The following OSBPL1A variants were observed in gnomAD, a reference collection of about 807,000 sequenced individuals.
OSBPL1A encodes oxysterol binding protein like 1A.
OSBPL1A carries 80 observed loss-of-function variants against 137.1 expected under a neutral mutation model. That is an observed-to-expected ratio of 0.58 (90% confidence interval 0.49 to 0.70). The LOEUF is 0.70. Ranked by LOEUF, OSBPL1A falls within the 30% of genes least tolerant of loss-of-function variation. The pLI is 0.00. For synonymous variants in OSBPL1A, 365 were observed against 389.7 expected (o/e 0.94, Z 0.75); for missense variants, 970 against 1,129.4 (o/e 0.86, Z 2.02).
At chr18:24,279,068 C>A (rs1355987381) in intron 15 of OSBPL1A, among the ~76,000 whole-genome samples, 1 of 151,864 alleles carries the variant, frequency 6.6e-6, no homozygotes, top group Non-Finnish European at 1.5e-5. Context: ...GTCTTATTCT[C>A]CAAATAAATT....
At chr18:24,229,085 CA>C (rs1434849763) in intron 16 of OSBPL1A, among the ~76,000 whole-genome samples, 1 of 152,122 alleles carries the variant, frequency 6.6e-6, no homozygotes, top group Non-Finnish European at 1.5e-5. Context: ...CCTGCAATCC[CA>C]GTTACTCGGA....
intron 16 of OSBPL1A, among the ~76,000 whole-genome samples, chr18:24,234,542 G>T (rs1248745589): frequency 1.3e-5 from 2 of 152,218 alleles, no homozygotes; most frequent in African/African-American, 4.8e-5. Flanking sequence ...ACGCCAGGGG[G>T]CTGGAAAAAT....
At chr18:24,294,125 G>A (rs1035292432) in intron 14 of OSBPL1A, among the ~76,000 whole-genome samples, 2 of 151,942 alleles carry the variant, frequency 1.3e-5, no homozygotes, top group African/African-American at 4.8e-5. Context: ...GGAATAGGTG[G>A]TGTTTGGTTA....
intron 4 of OSBPL1A, among the ~76,000 whole-genome samples, chr18:24,353,491 A>C (rs1448894780): frequency 1.3e-5 from 2 of 152,096 alleles, no homozygotes; most frequent in African/African-American, 4.8e-5. Flanking sequence ...TAGTTCAACC[A>C]TTGTGGAAAT....
chr18:24,343,127 C>T (rs1053243185), intron 4 of OSBPL1A, among the ~76,000 whole-genome samples: 7 of 151,926 alleles, frequency 4.6e-5, no homozygotes, highest in African/African-American at 1.7e-4. Context: ...AGAACATTTA[C>T]ACCTCAATAA....
At chr18:24,216,214 A>C (rs2087690983) in intron 17 of OSBPL1A, among the ~76,000 whole-genome samples, 2 of 152,218 alleles carry the variant, frequency 1.3e-5, no homozygotes, top group African/African-American at 4.8e-5. Context: ...TCTCAATAAA[A>C]TGAAAAACTG....
intron 11 of OSBPL1A, among the ~76,000 whole-genome samples, 151 bp downstream of exon 11, chr18:24,316,993 GACTTT>G (rs1361123383): frequency 2.0e-5 from 3 of 152,036 alleles, no homozygotes; most frequent in African/African-American, 7.2e-5. Context: ...GAGATGCCAC[GACTTT>G]ACTTGTTATC....
At chr18:24,387,001 ATATC>A (rs759182648) in intron 1 of OSBPL1A, among the ~76,000 whole-genome samples, 8 of 152,110 alleles carry the variant, frequency 5.3e-5, no homozygotes, top group South Asian at 2.1e-4. Context: ...TTTCAAATAG[ATATC>A]TATTTGAAAT....
chr18:24,317,530 AT>A (rs200623028), intron 9 of OSBPL1A, 130 bp from the exon 10 acceptor site: 10 of 641,566 alleles, frequency 1.6e-5, no homozygotes, highest in Non-Finnish European at 2.2e-5. Context: ...GTAAAAAAAA[AT>A]GATCAAACAT....
At chr18:24,281,073 A>G (rs985245924) in intron 14 of OSBPL1A, 125 bp from the exon 15 acceptor site, 1 of 553,086 alleles carries the variant, frequency 1.8e-6, no homozygotes, top group Non-Finnish European at 3.0e-6. Flanking sequence ...AGCAAAACAT[A>G]TCATGTTTCT....
chr18:24,280,453 A>C (rs2730027), intron 15 of OSBPL1A, among the ~76,000 whole-genome samples: 53,198 of 152,108 alleles, frequency 0.35, 10,091 homozygotes, highest in Middle Eastern at 0.47. Flanking sequence ...AACACAAAAA[A>C]TATTTAATCC....
chr18:24,314,510 G>T (rs975666568), intron 11 of OSBPL1A, among the ~76,000 whole-genome samples, 163 bp from the exon 12 acceptor site: 16 of 152,212 alleles, frequency 1.1e-4, no homozygotes, highest in African/African-American at 3.6e-4. Context: ...TACAGTGGGA[G>T]TATCAAATGC....
At chr18:24,387,491 A>G (rs778915571) in intron 1 of OSBPL1A, among the ~76,000 whole-genome samples, 9 of 152,248 alleles carry the variant, frequency 5.9e-5, no homozygotes, top group African/African-American at 9.6e-5. Context: ...TTAGATCATT[A>G]TAATAAAATG....
intron 15 of OSBPL1A, among the ~76,000 whole-genome samples, chr18:24,274,448 T>A (rs1238157938): frequency 6.6e-6 from 1 of 152,120 alleles, no homozygotes; most frequent in Non-Finnish European, 1.5e-5. Flanking sequence ...ATATATTAGA[T>A]CAGAACTCAG....
chr18:24,385,994 C>G (rs764695014), intron 1 of OSBPL1A, among the ~76,000 whole-genome samples: 1 of 152,020 alleles, frequency 6.6e-6, no homozygotes, highest in Non-Finnish European at 1.5e-5. Flanking sequence ...CCAAGGCTGG[C>G]GGGCAGGAAA....
rs1219784230 is a variant in OSBPL1A at position 24,326,801 on chromosome 18, A to T, written c.625+6141T>A. On this transcript the variant is annotated intron_variant, in intron 7 of 27. Coordinates refer to ENST00000319481, the MANE Select transcript of OSBPL1A (RefSeq NM_080597.4). ...GTAGTATCATTACTTAAAACTTTTT[A>T]AAAAATATATGTTACTATGAAACAT... Among the ~76,000 whole-genome samples the T allele has an allele frequency of 4.6e-5, 7 of 152,308 alleles. No individual in the cohort carries two copies. The East Asian group carries it at 5.8e-4, about 13-fold the overall frequency.
chr18:24,162,338 T>A lies in OSBPL1A; in HGVS notation c.*841A>T, dbSNP rs1038437242. On this transcript the variant is annotated 3_prime_UTR_variant, in exon 28 of 28. Coordinates refer to ENST00000319481, the MANE Select transcript of OSBPL1A (RefSeq NM_080597.4). ...CCTTTTATATAGTTTGATACTTACA[T>A]GAGTGCAACTTACTTTCCCTAGTGG... is the stretch of plus-strand genomic sequence containing the variant. 1.3e-5 allele frequency: 2 copies of A among 152,236 alleles called. No individual in the cohort carries two copies. The highest frequency in any genetic ancestry group is 4.1e-4 in the South Asian group (2 of 4,826). The allele number at this position is 152,236 out of a possible 1,614,324, so 9.4% of individuals were successfully genotyped here.
At chr18:24,202,065 T>C (rs986111489) in intron 17 of OSBPL1A, among the ~76,000 whole-genome samples, 3 of 152,138 alleles carry the variant, frequency 2.0e-5, no homozygotes, top group African/African-American at 7.2e-5. Flanking sequence ...CTGGGTCTTG[T>C]GTGTGTGCAT....
intron 17 of OSBPL1A, among the ~76,000 whole-genome samples, chr18:24,212,871 T>C (rs1004522165): frequency 2.0e-5 from 3 of 152,240 alleles, no homozygotes; most frequent in African/African-American, 7.2e-5. Flanking sequence ...TCCTGAAATT[T>C]GCCCATCCCC....
Sources: gnomAD v4.1 joint callset for allele counts (sites outside exome capture counted in the v4.1 genomes callset) on GRCh38, gnomAD v4.1.1 for gene constraint, MANE v1.5 for transcripts, NCBI Gene and HGNC (gene_info 2026-07-23, HGNC 2026-07-21) for gene names.